SLC24A3: variants seen among roughly 807,000 people sequenced by gnomAD.
SLC24A3 encodes the protein sodium/potassium/calcium exchanger 3.
SLC24A3 carries 28 observed loss-of-function variants against 75.8 expected under a neutral mutation model. That is an observed-to-expected ratio of 0.37 (90% CI 0.27 to 0.51). The LOEUF (loss-of-function observed/expected upper bound fraction) is 0.51, where lower values mean the gene tolerates loss of function less well. SLC24A3 is among the 20% of genes least tolerant of loss of function. SLC24A3 has a pLI of 0.94. For missense variants in SLC24A3, 663 were observed against 847.8 expected, an observed-to-expected ratio of 0.78 and a Z score of 2.71; for synonymous variants, 372 against 334.1, an observed-to-expected ratio of 1.11 and a Z score of -1.24.
At chr20:19,608,804 C>T (rs868371580) in intron 6 of SLC24A3, among the ~76,000 whole-genome samples, 85 of 152,200 alleles carry the variant, frequency 5.6e-4, no homozygotes, top group Middle Eastern at 3.4e-3. Context: ...ATGATCTGAC[C>T]GCTTTAAAAA....
chr20:19,559,561 G>A (rs2030841309), intron 3 of SLC24A3, among the ~76,000 whole-genome samples: 1 of 151,686 alleles, frequency 6.6e-6, no homozygotes, highest in Admixed American at 6.6e-5. Flanking sequence ...ATAAATCATT[G>A]TGTAACCCAA....
intron 1 of SLC24A3, among the ~76,000 whole-genome samples, chr20:19,260,221 A>C (rs532524609): frequency 2.0e-5 from 3 of 152,322 alleles, no homozygotes; most frequent in African/African-American, 7.2e-5. Flanking sequence ...CCTGCAGTCT[A>C]GTCCTATGCA....
rs6046048 is a variant in SLC24A3, at chr20:19,390,714, T to C, written c.271+109627T>C. Among the ~76,000 whole-genome samples the C allele has an allele frequency of 6.0e-4, 91 of 152,300 alleles. 1 individual carries two copies. The highest frequency in any genetic ancestry group is 2.1e-3 in the African/African-American group (87 of 41,558). On this transcript the variant is annotated intron_variant, in intron 2 of 16. Transcript: ENST00000328041. ...GCTGAATTTCCTGTATCAGCTATAA[T>C]TGCTGAATTTCCAACATGGGAATTT...
At chr20:19,678,632 G>T (rs1348949008) in intron 9 of SLC24A3, among the ~76,000 whole-genome samples, 1 of 109,976 alleles carries the variant, frequency 9.1e-6, no homozygotes, top group East Asian at 2.8e-4. Flanking sequence ...GGCTGGCCCC[G>T]GGCGGGGGGC....
chr20:19,276,993 C>A (rs1390995431), intron 1 of SLC24A3, among the ~76,000 whole-genome samples: 1 of 152,184 alleles, frequency 6.6e-6, no homozygotes, highest in Non-Finnish European at 1.5e-5. Context: ...GAGGAAACAA[C>A]CATCTTTGAA....
At chr20:19,326,966 T>G (rs919528094) in intron 2 of SLC24A3, among the ~76,000 whole-genome samples, 1 of 152,122 alleles carries the variant, frequency 6.6e-6, no homozygotes, top group South Asian at 2.1e-4. Context: ...TAGAAACTCA[T>G]TAGCAGAAGA....
In SLC24A3 at chr20:19,650,433, T is replaced by C. The variant is rs2032188731; in HGVS notation, c.613-3629T>C. 2.0e-5 allele frequency among the ~76,000 whole-genome samples: 3 copies of C among 152,322 alleles called. 1 individual carries two copies. The East Asian group carries it at 5.8e-4, about 29-fold the overall frequency. On this transcript the variant is annotated intron_variant, in intron 6 of 16. Coordinates refer to ENST00000328041, the MANE Select transcript of SLC24A3 (RefSeq NM_020689.4). ...GACGCAACCCACTCTAGAAAGCTTA[T>C]TATGGAAAATAGCCATCTTCCAGTC...
intron 2 of SLC24A3, among the ~76,000 whole-genome samples, chr20:19,359,382 C>T (rs1985746554): frequency 6.6e-6 from 1 of 152,156 alleles, no homozygotes; most frequent in African/African-American, 2.4e-5. Context: ...TGTAGCTTTT[C>T]AGTACCTTCT....
intron 6 of SLC24A3, among the ~76,000 whole-genome samples, chr20:19,648,828 G>T (rs1271377189): frequency 6.6e-6 from 1 of 152,182 alleles, no homozygotes; most frequent in African/African-American, 2.4e-5. Flanking sequence ...ATTCAATAGA[G>T]AATGTGTGAA....
At chr20:19,381,311 ATAAAAT>A (rs1399917788) in intron 2 of SLC24A3, among the ~76,000 whole-genome samples, 4 of 152,228 alleles carry the variant, frequency 2.6e-5, no homozygotes, top group Non-Finnish European at 4.4e-5. Flanking sequence ...GAATAAACAA[ATAAAAT>A]TAAATAAAGG....
chr20:19,456,750 A>G (rs1987584756), intron 2 of SLC24A3, among the ~76,000 whole-genome samples: 1 of 152,210 alleles, frequency 6.6e-6, no homozygotes, highest in Admixed American at 6.5e-5. Context: ...TCATTGGGCA[A>G]GACAGGCTAA....
chr20:19,704,168 G>T (rs887438962), intron 15 of SLC24A3, among the ~76,000 whole-genome samples: 1 of 125,346 alleles, frequency 8.0e-6, no homozygotes, highest in Non-Finnish European at 1.6e-5. Flanking sequence ...GATGGATGGA[G>T]AGATGGATGG....
intron 6 of SLC24A3, among the ~76,000 whole-genome samples, chr20:19,627,884 T>C (rs2031883989): frequency 6.6e-6 from 1 of 151,336 alleles, no homozygotes; most frequent in South Asian, 2.1e-4. Flanking sequence ...TCGAGGAAAA[T>C]GTAAATCAGT....
Position 19,720,972 on chromosome 20 carries a change from C to A in SLC24A3, c.1786-19C>A. The stretch of plus-strand genomic sequence containing the variant: ...CTGCCTCCTCCTGGTGCCCTCTGAA[C>A]CTGTTCTGTGCCCTGCAGGTGTTCG... On this transcript the variant is annotated intron_variant, in intron 16 of 16. Coordinates refer to ENST00000328041, the MANE Select transcript of SLC24A3 (RefSeq NM_020689.4). 1 of 1,612,776 alleles carries A rather than the reference C, an allele frequency of 6.2e-7. No individual in the cohort carries two copies. The highest frequency in any genetic ancestry group is 1.1e-5 in the South Asian group (1 of 90,946).
rs145673170 is a variant in SLC24A3 at position 19,311,363 on chromosome 20, C to A, written c.271+30276C>A. Among the ~76,000 whole-genome samples, 577 of 152,234 alleles carry A rather than the reference C, an allele frequency of 3.8e-3. 2 individuals carry two copies. Among genetic ancestry groups the A allele is most frequent in the Middle Eastern group, 6.8e-3 (2 of 294 alleles). ...CACACAGGAAATCAGGATGAGGTCA[C>A]TCAACAGCCCCATGCTCCTTCAGCT... is the stretch of plus-strand genomic sequence containing the variant. On this transcript the variant is annotated intron_variant, in intron 2 of 16. Coordinates refer to ENST00000328041, the MANE Select transcript of SLC24A3 (RefSeq NM_020689.4).
intron 3 of SLC24A3, among the ~76,000 whole-genome samples, chr20:19,517,165 C>T (rs2030010437): frequency 6.6e-6 from 1 of 152,180 alleles, no homozygotes; most frequent in Non-Finnish European, 1.5e-5. Flanking sequence ...TGGATGGCAC[C>T]TTCGGCACCA....
intron 6 of SLC24A3, among the ~76,000 whole-genome samples, chr20:19,649,815 A>ATCCCAAACTCTT (rs1209377308): frequency 6.6e-6 from 1 of 152,158 alleles, no homozygotes; most frequent in Admixed American, 6.5e-5. Flanking sequence ...CTGGATTCAA[A>ATCCCAAACTCTT]TCCCAAACTC....
At chr20:19,610,674 G>C (rs146447653) in intron 6 of SLC24A3, among the ~76,000 whole-genome samples, 26 of 152,346 alleles carry the variant, frequency 1.7e-4, no homozygotes, top group African/African-American at 6.3e-4. Flanking sequence ...GTGTTATCAA[G>C]CAGGTCACTG....
At chr20:19,338,952 T>C (rs1985201340) in intron 2 of SLC24A3, among the ~76,000 whole-genome samples, 1 of 152,178 alleles carries the variant, frequency 6.6e-6, no homozygotes, top group Non-Finnish European at 1.5e-5. Flanking sequence ...AAGGCTTAGT[T>C]TTAGCACATC....
Sources: gnomAD v4.1 joint callset for allele counts (sites outside exome capture counted in the v4.1 genomes callset) on GRCh38, gnomAD v4.1.1 for gene constraint, MANE v1.5 for transcripts, NCBI Gene and HGNC (gene_info 2026-07-23, HGNC 2026-07-21) for gene names.